The following GPBP1 variants were observed in gnomAD, a reference collection of about 807,000 sequenced individuals.
GPBP1 encodes the protein vasculin.
In GPBP1, 13 loss-of-function variants were observed where a neutral mutation model predicts 56.5. That is an observed-to-expected ratio of 0.23 (90% CI 0.15 to 0.37). The LOEUF (loss-of-function observed/expected upper bound fraction) is 0.37. Ranked by LOEUF, GPBP1 falls within the 10% of genes least tolerant of loss-of-function variation. The pLI, the probability that GPBP1 is intolerant of heterozygous loss-of-function variation, is 1.00. For missense variants in GPBP1, 477 were observed against 572.3 expected, an observed-to-expected ratio of 0.83 and a Z score of 1.70; for synonymous variants, 204 against 188.9, an observed-to-expected ratio of 1.08 and a Z score of -0.66.
intron 2 of GPBP1, among the ~76,000 whole-genome samples, chr5:57,197,468 C>T (rs1168836443): frequency 6.8e-6 from 1 of 147,378 alleles, no homozygotes; most frequent in Non-Finnish European, 1.5e-5. Flanking sequence ...AGCAGTTCTC[C>T]TGCCTCAGCC....
At chr5:57,248,628 G>A (rs1036744623) in intron 8 of GPBP1, among the ~76,000 whole-genome samples, 2 of 151,888 alleles carry the variant, frequency 1.3e-5, no homozygotes, top group African/African-American at 4.8e-5. Context: ...TAGAGACGGG[G>A]TTTCACCGTT....
chr5:57,236,108 AAT>A (rs1376616643), intron 6 of GPBP1, 76 bp downstream of exon 6: 5 of 937,640 alleles, frequency 5.3e-6, no homozygotes, highest in Non-Finnish European at 8.6e-6. Context: ...TGTTTTTTAA[AAT>A]AGAGAGCAGG....
intron 6 of GPBP1, among the ~76,000 whole-genome samples, chr5:57,244,495 C>G (rs1375504795): frequency 6.6e-6 from 1 of 152,186 alleles, no homozygotes; most frequent in Non-Finnish European, 1.5e-5. Flanking sequence ...ACCTGGATTC[C>G]TCTCAGATGA....
chr5:57,262,655 A>T lies in GPBP1; in HGVS notation c.1325A>T (p.Lys442Met). The T allele has an allele frequency of 6.2e-7, 1 of 1,613,834 alleles. No homozygotes were observed. Among genetic ancestry groups the T allele is most frequent in the Admixed American group, 1.7e-5 (1 of 60,008 alleles). ...AAAAATGGCTTGATCTGTGACTTCA[A>T]GTTTGGACCGTGGAAGAACAGCACT... ...ILKNGLICDF[K>M]FGPWKNSTFK... Residue 442 changes from lysine to methionine, a missense_variant, in exon 12 of 12, where the codon AAG (lysine) becomes ATG (methionine). Transcript: ENST00000506184.
chr5:57,188,793 T>C lies in GPBP1; in HGVS notation c.-58+12393T>C, dbSNP rs78751099. Reference sequence around the variant, plus strand: ...TCTTACTTCCTAGCCCCATACTCTCTCTATTCTTTCTCATCTCAGTATGGC... The same window carrying C: ...TCTTACTTCCTAGCCCCATACTCTCCCTATTCTTTCTCATCTCAGTATGGC... On this transcript the variant is annotated intron_variant, in intron 2 of 11. Transcript: ENST00000506184. Among the ~76,000 whole-genome samples, 19 of 152,164 alleles carry C rather than the reference T, an allele frequency of 1.2e-4. 1 individual carries two copies. In the East Asian group the frequency reaches 3.7e-3, roughly 29 times the overall value.
chr5:57,242,410 A>G (rs977549013), intron 6 of GPBP1, among the ~76,000 whole-genome samples: 1 of 152,228 alleles, frequency 6.6e-6, no homozygotes, highest in African/African-American at 2.4e-5. Flanking sequence ...ATAAGATTAT[A>G]CAACTGGTAA....
At chr5:57,260,876 T>C (rs1741866893) in intron 10 of GPBP1, among the ~76,000 whole-genome samples, 1 of 152,140 alleles carries the variant, frequency 6.6e-6, no homozygotes, top group Non-Finnish European at 1.5e-5. Flanking sequence ...TGCTGTTACT[T>C]TTAGTATAAG....
At position 57,232,549 on chromosome 5, in the gene GPBP1, G is replaced by GT. The variant is rs79166508; in HGVS notation, c.411+1230dup. Among the ~76,000 whole-genome samples, 309 of 152,224 alleles carry GT rather than the reference G, an allele frequency of 2.0e-3. 6 individuals are homozygous for GT. The East Asian group carries it at 0.051, about 25-fold the overall frequency. On this transcript the variant is annotated intron_variant, in intron 5 of 11. Coordinates refer to ENST00000506184, the MANE Select transcript of GPBP1 (RefSeq NM_022913.4). ...TTTTACCTTTATCAGCATTCCACAA[G>GT]TTACTTCCTCCTTCCTTTGTTCTCT...
chr5:57,218,732 T>TCAC (rs1755803375), intron 3 of GPBP1, among the ~76,000 whole-genome samples: 1 of 152,206 alleles, frequency 6.6e-6, no homozygotes, highest in Non-Finnish European at 1.5e-5. Context: ...CCCAGTGTGC[T>TCAC]GGGATAACAG....
At chr5:57,229,941 G>GCGTCCCGTCCCGTCCCGTCCCGTCC (rs112231997) in intron 3 of GPBP1, among the ~76,000 whole-genome samples, 4,614 of 146,126 alleles carry the variant, frequency 0.032, 210 homozygotes, top group East Asian at 0.087. Context: ...GCATCGCATC[G>GCGTCCCGTCCCGTCCCGTCCCGTCC]CGTCCCGTCC....
intron 2 of GPBP1, among the ~76,000 whole-genome samples, chr5:57,208,655 CTTTT>C (rs70999065): frequency 2.5e-5 from 3 of 119,068 alleles, no homozygotes. Flanking sequence ...TTTTGTTTTT[CTTTT>C]TTTTTTTTTT....
At chr5:57,191,307 T>C (rs1754515758) in intron 2 of GPBP1, among the ~76,000 whole-genome samples, 1 of 152,050 alleles carries the variant, frequency 6.6e-6, no homozygotes, top group South Asian at 2.1e-4. Context: ...TTGGCCAGGC[T>C]GGTCTTGAAC....
Position 57,251,075 on chromosome 5 carries a change from A to C in GPBP1, c.1094A>C (p.Gln365Pro), listed in dbSNP as rs778471886. Residue 365 changes from glutamine (Q) to proline (P), a missense_variant, in exon 10 of 12, where the codon CAG becomes CCG. Gln to Pro is a moderately conservative substitution (Grantham distance 76). Transcript: ENST00000506184. The part of the protein sequence containing the change: ...ENGNASVISQ[Q>P]IIRSSTFPQT... ...GGCAATGCCTCAGTGATTTCCCAGC[A>C]GATCATTCGGTCTTCAACCTTCCCA... 1.8e-5 allele frequency: 29 copies of C among 1,613,568 alleles called. No individual in the cohort carries two copies. The highest frequency in any genetic ancestry group is 2.3e-5 in the Non-Finnish European group (27 of 1,179,858).
intron 10 of GPBP1, among the ~76,000 whole-genome samples, chr5:57,257,274 G>A (rs1741707213): frequency 6.6e-6 from 1 of 152,186 alleles, no homozygotes; most frequent in African/African-American, 2.4e-5. Context: ...GACCTCAGGT[G>A]ATCCACCGCC....
chr5:57,220,783 T>C (rs901571716), intron 3 of GPBP1, among the ~76,000 whole-genome samples: 5 of 152,136 alleles, frequency 3.3e-5, no homozygotes, highest in Admixed American at 6.6e-5. Flanking sequence ...TAACTAGCAG[T>C]ATTTGAGATT....
intron 3 of GPBP1, among the ~76,000 whole-genome samples, chr5:57,217,873 A>T (rs1277593633): frequency 6.6e-6 from 1 of 152,058 alleles, no homozygotes; most frequent in Non-Finnish European, 1.5e-5. Context: ...AAATTAAATA[A>T]ATGAAAATTT....
At chr5:57,178,295 T>C (rs1326048473) in intron 2 of GPBP1, among the ~76,000 whole-genome samples, 1 of 152,200 alleles carries the variant, frequency 6.6e-6, no homozygotes, top group Non-Finnish European at 1.5e-5. Context: ...GTGCCCAGGC[T>C]AGAGTGCAGT....
At chr5:57,224,931 A>G (rs1315261039) in intron 3 of GPBP1, among the ~76,000 whole-genome samples, 1 of 151,612 alleles carries the variant, frequency 6.6e-6, no homozygotes, top group Non-Finnish European at 1.5e-5. Context: ...CTCTCCCCCT[A>G]CAGTATCCAT....
chr5:57,254,692 CAAAA>C (rs541890019), intron 10 of GPBP1, among the ~76,000 whole-genome samples: 4 of 79,792 alleles, frequency 5.0e-5, no homozygotes, highest in South Asian at 3.8e-4. Flanking sequence ...GAGACTGTCT[CAAAA>C]AAAAAAAAAA....
Sources: gnomAD v4.1 joint callset for allele counts (sites outside exome capture counted in the v4.1 genomes callset) on GRCh38, gnomAD v4.1.1 for gene constraint, MANE v1.5 for transcripts, NCBI Gene and HGNC (gene_info 2026-07-23, HGNC 2026-07-21) for gene names.